MACROD2: variants seen among roughly 807,000 people sequenced by gnomAD.
MACROD2 encodes mono-ADP ribosylhydrolase 2.
MACROD2 carries 36 observed loss-of-function variants against 70.4 expected under a neutral mutation model. The observed-to-expected ratio is 0.51, with a 90% CI of 0.39 to 0.68. The LOEUF (loss-of-function observed/expected upper bound fraction) is 0.68. MACROD2 is among the 30% of genes least tolerant of loss of function. The pLI, the probability that MACROD2 is intolerant of heterozygous loss-of-function variation, is 0.00. For missense variants in MACROD2, 496 were observed against 538.4 expected, an observed-to-expected ratio of 0.92 and a Z score of 0.78; for synonymous variants, 172 against 178.8, an observed-to-expected ratio of 0.96 and a Z score of 0.30.
chr20:15,556,281 T>C (rs569132095), intron 8 of MACROD2, among the ~76,000 whole-genome samples: 2 of 152,336 alleles, frequency 1.3e-5, no homozygotes, highest in South Asian at 4.1e-4. Context: ...TCATTTATGA[T>C]ATGTGTTTCT....
chr20:14,952,442 T>C (rs1290205585), intron 5 of MACROD2, among the ~76,000 whole-genome samples: 1 of 152,172 alleles, frequency 6.6e-6, no homozygotes, highest in Non-Finnish European at 1.5e-5. Context: ...CAGTTTATAT[T>C]TGAAGTTGAG....
At chr20:14,432,321 G>A (rs76595951) in intron 3 of MACROD2, among the ~76,000 whole-genome samples, 1,794 of 151,990 alleles carry the variant, frequency 0.012, 31 homozygotes, top group African/African-American at 0.041. Flanking sequence ...TCATTTCACA[G>A]GATATATTAC....
At chr20:15,477,136 T>A (rs1385426890) in intron 7 of MACROD2, among the ~76,000 whole-genome samples, 1 of 140,784 alleles carries the variant, frequency 7.1e-6, no homozygotes, top group Non-Finnish European at 1.5e-5. Context: ...GGCCTCACTC[T>A]GTCACCCGTG....
Position 14,245,483 on chromosome 20 carries a change from G to T in MACROD2, c.271+159755G>T, listed in dbSNP as rs111880382. ...CTTCAGTGGAGAAACTTGAAGCTCA[G>T]AGAGGATGAGTAACTTGCACAGAGT... is the stretch of plus-strand genomic sequence containing the variant. On this transcript the variant is annotated intron_variant, in intron 3 of 17. Coordinates refer to ENST00000684519, the MANE Select transcript of MACROD2 (RefSeq NM_001351661.2). Among the ~76,000 whole-genome samples the T allele has an allele frequency of 3.6e-3, 552 of 152,196 alleles. 5 individuals are homozygous for T. Among genetic ancestry groups the T allele is most frequent in the African/African-American group, 0.012 (512 of 41,514 alleles).
chr20:15,268,992 C>T (rs146414994), intron 6 of MACROD2, among the ~76,000 whole-genome samples: 16 of 152,324 alleles, frequency 1.1e-4, no homozygotes, highest in African/African-American at 3.8e-4. Context: ...TCTGAATTAG[C>T]TCCCTTAACA....
At chr20:15,616,120 T>TTTTTG (rs1568930682) in intron 8 of MACROD2, among the ~76,000 whole-genome samples, 1 of 142,686 alleles carries the variant, frequency 7.0e-6, no homozygotes. Flanking sequence ...TTTTTTTTTT[T>TTTTTG]GAGACAGAGT....
chr20:14,797,584 T>G (rs2072525218), intron 5 of MACROD2, among the ~76,000 whole-genome samples: 1 of 152,128 alleles, frequency 6.6e-6, no homozygotes, highest in Admixed American at 6.6e-5. Flanking sequence ...TTTCTACTTT[T>G]GACTCCTACT....
intron 5 of MACROD2, among the ~76,000 whole-genome samples, chr20:14,768,679 T>C (rs2072124742): frequency 6.6e-6 from 1 of 151,232 alleles, no homozygotes; most frequent in Non-Finnish European, 1.5e-5. Context: ...GGCAGTGGTG[T>C]GATCTCGGCT....
chr20:14,381,991 A>G (rs2083424674), intron 3 of MACROD2, among the ~76,000 whole-genome samples: 1 of 152,088 alleles, frequency 6.6e-6, no homozygotes, highest in South Asian at 2.1e-4. Flanking sequence ...GGTTTCCAAA[A>G]TCAAACTTGG....
intron 8 of MACROD2, among the ~76,000 whole-genome samples, chr20:15,804,987 G>A (rs1272873494): frequency 1.3e-5 from 2 of 152,178 alleles, no homozygotes; most frequent in African/African-American, 2.4e-5. Flanking sequence ...CAGTAAGATT[G>A]CACTCGCGTT....
At chr20:15,247,979 T>C (rs1395294455) in intron 6 of MACROD2, among the ~76,000 whole-genome samples, 3 of 152,212 alleles carry the variant, frequency 2.0e-5, no homozygotes, top group Non-Finnish European at 4.4e-5. Flanking sequence ...ATTACAGGCA[T>C]GAGCCACCGC....
At chr20:15,421,210 T>C (rs1231600381) in intron 6 of MACROD2, among the ~76,000 whole-genome samples, 1 of 152,054 alleles carries the variant, frequency 6.6e-6, no homozygotes, top group Non-Finnish European at 1.5e-5. Context: ...AGACCTTGTT[T>C]CTACAAAACA....
At chr20:15,000,663 A>C (rs1261642454) in intron 5 of MACROD2, among the ~76,000 whole-genome samples, 1 of 132,068 alleles carries the variant, frequency 7.6e-6, no homozygotes, top group East Asian at 2.5e-4. Flanking sequence ...AAAAAAAAAG[A>C]GGTAGAAACA....
At chr20:15,248,669 A>T (rs1381217160) in intron 6 of MACROD2, among the ~76,000 whole-genome samples, 1 of 152,122 alleles carries the variant, frequency 6.6e-6, no homozygotes, top group Non-Finnish European at 1.5e-5. Context: ...GCTCAGTCTC[A>T]GTGTATCTCA....
intron 3 of MACROD2, among the ~76,000 whole-genome samples, chr20:14,197,842 C>CT (rs1390661217): frequency 6.6e-6 from 1 of 152,052 alleles, no homozygotes; most frequent in Non-Finnish European, 1.5e-5. Context: ...GCTAAACAAC[C>CT]TTTTAAAAAC....
intron 6 of MACROD2, among the ~76,000 whole-genome samples, chr20:15,296,956 G>A (rs1881360517): frequency 6.6e-6 from 1 of 152,196 alleles, no homozygotes; most frequent in Admixed American, 6.5e-5. Flanking sequence ...GGTAGCCTCG[G>A]TTGGGGAGAT....
At chr20:15,186,722 A>G (rs2076537033) in intron 5 of MACROD2, among the ~76,000 whole-genome samples, 1 of 152,210 alleles carries the variant, frequency 6.6e-6, no homozygotes, top group Non-Finnish European at 1.5e-5. Flanking sequence ...ATGTCCTTCA[A>G]TGATGAATGT....
At chr20:14,369,076 A>G (rs956280562) in intron 3 of MACROD2, among the ~76,000 whole-genome samples, 1 of 151,640 alleles carries the variant, frequency 6.6e-6, no homozygotes, top group Admixed American at 6.6e-5. Context: ...TCCCAAGGAA[A>G]CTCTTTAGTT....
chr20:14,735,853 T>C (rs2071657891), intron 5 of MACROD2, among the ~76,000 whole-genome samples: 1 of 151,982 alleles, frequency 6.6e-6, no homozygotes, highest in East Asian at 1.9e-4. Context: ...GGACTCAAAA[T>C]AAATAAATAA....
Sources: allele counts gnomAD v4.1 joint callset (sites outside exome capture counted in the v4.1 genomes callset), GRCh38; gene constraint gnomAD v4.1.1; transcripts MANE v1.5; gene names NCBI Gene and HGNC (gene_info 2026-07-23, HGNC 2026-07-21).